CALD1: variants seen among roughly 807,000 people sequenced by gnomAD.
CALD1 encodes caldesmon 1, also known as caldesmon.
CALD1 carries 33 observed loss-of-function variants against 99.9 expected under a neutral mutation model. The observed-to-expected ratio is 0.33, with a 90% CI of 0.25 to 0.44. The LOEUF is 0.44. Ranked by LOEUF, CALD1 falls within the 20% of genes least tolerant of loss-of-function variation. The pLI, the probability that CALD1 is intolerant of heterozygous loss-of-function variation, is 1.00. For synonymous variants in CALD1, 310 were observed against 325.0 expected, an observed-to-expected ratio of 0.95 and a Z score of 0.50; for missense variants, 861 against 962.1, an observed-to-expected ratio of 0.89 and a Z score of 1.39.
chr7:134,963,072 C>T (rs1808401633), intron 13 of CALD1: 1 of 356,096 alleles, frequency 2.8e-6, no homozygotes, highest in Admixed American at 3.6e-5. Context: ...AAGTGCAATC[C>T]ATTTTCTTAG....
At chr7:134,728,659 T>C in the CALD1 span, among the ~76,000 whole-genome samples, 25 of 152,258 alleles carry the variant, frequency 1.6e-4, no homozygotes, top group South Asian at 5.0e-3. Context: ...AAAGGAAGCA[T>C]TAGACCAGAG....
At chr7:134,722,789 A>G in the CALD1 span, among the ~76,000 whole-genome samples, 1 of 152,058 alleles carries the variant, frequency 6.6e-6, no homozygotes, top group Non-Finnish European at 1.5e-5. Context: ...CCTTTCTGCT[A>G]TCCTTTTACT....
chr7:134,856,758 CA>C (rs960002467), intron 2 of CALD1, among the ~76,000 whole-genome samples: 1 of 152,180 alleles, frequency 6.6e-6, no homozygotes, highest in Non-Finnish European at 1.5e-5. Flanking sequence ...ACCACAACTA[CA>C]AATCAGAATA....
intron 9 of CALD1, 99 bp downstream of exon 9, chr7:134,950,613 C>A: frequency 1.0e-6 from 1 of 979,064 alleles, no homozygotes; most frequent in Non-Finnish European, 1.6e-6. Flanking sequence ...GTTCATTTAT[C>A]TTTTTGCTAT....
the CALD1 span, among the ~76,000 whole-genome samples, chr7:134,733,103 T>C: frequency 6.6e-6 from 1 of 152,238 alleles, no homozygotes; most frequent in African/African-American, 2.4e-5. Context: ...TCTTGAGCGC[T>C]GAACCAAAGA....
chr7:134,865,253 T>C (rs1025998011), intron 2 of CALD1, among the ~76,000 whole-genome samples: 1 of 152,064 alleles, frequency 6.6e-6, no homozygotes, highest in Non-Finnish European at 1.5e-5. Context: ...AAAAGCTCTG[T>C]GATATAAGGG....
chr7:134,934,162 A>G, intron 5 of CALD1, 85 bp downstream of exon 5: 1 of 1,534,106 alleles, frequency 6.5e-7, no homozygotes, highest in Non-Finnish European at 8.7e-7. Flanking sequence ...CTGAGGCCAC[A>G]TGCATATAGC....
At chr7:134,891,106 T>C (rs1802138828) in intron 3 of CALD1, among the ~76,000 whole-genome samples, 1 of 152,194 alleles carries the variant, frequency 6.6e-6, no homozygotes, top group Admixed American at 6.5e-5. Flanking sequence ...TTGTCAGAAT[T>C]AGGTTGTATA....
the CALD1 span, among the ~76,000 whole-genome samples, chr7:134,725,192 AG>A: frequency 6.6e-6 from 1 of 152,326 alleles, no homozygotes; most frequent in South Asian, 2.1e-4. Context: ...TGGACAGCCC[AG>A]ACTAGCTCTA....
intron 8 of CALD1, among the ~76,000 whole-genome samples, chr7:134,949,543 A>G (rs1053957628): frequency 6.6e-6 from 1 of 152,178 alleles, no homozygotes; most frequent in African/African-American, 2.4e-5. Flanking sequence ...TTGTCAAACC[A>G]TCTAAAATTA....
intron 1 of CALD1, among the ~76,000 whole-genome samples, chr7:134,760,262 C>G (rs1451279458): frequency 2.0e-5 from 3 of 152,192 alleles, no homozygotes; most frequent in Non-Finnish European, 2.9e-5. Flanking sequence ...GGTAGCATAA[C>G]CCCGCTTGCA....
chr7:134,939,264 C>T (rs1004852390), intron 6 of CALD1, among the ~76,000 whole-genome samples: 3 of 152,220 alleles, frequency 2.0e-5, no homozygotes, highest in African/African-American at 7.2e-5. Context: ...TCTGTAGCCT[C>T]TCATGACCCA....
chr7:134,728,760 T>C, the CALD1 span, among the ~76,000 whole-genome samples: 2 of 152,136 alleles, frequency 1.3e-5, no homozygotes, highest in East Asian at 3.8e-4. Flanking sequence ...TTCTATCCCT[T>C]GAGGTTAATT....
chr7:134,941,747 A>G (rs1196898459), intron 7 of CALD1, among the ~76,000 whole-genome samples: 2 of 152,192 alleles, frequency 1.3e-5, no homozygotes, highest in Non-Finnish European at 1.5e-5. Flanking sequence ...TCTTTACCAC[A>G]TGACTTTGAG....
chr7:134,775,137 A>G (rs907491792), upstream of CALD1, among the ~76,000 whole-genome samples: 2 of 152,154 alleles, frequency 1.3e-5, no homozygotes, highest in African/African-American at 4.8e-5. Context: ...TTCTGCTTCC[A>G]CAAAATTGAT....
intron 9 of CALD1, among the ~76,000 whole-genome samples, chr7:134,955,932 G>A (rs936272069): frequency 6.6e-6 from 1 of 152,024 alleles, no homozygotes; most frequent in Admixed American, 6.6e-5. Context: ...ACGGACGGAC[G>A]GATGGGTAAT....
chr7:134,901,167 G>GTT (rs74735841), intron 3 of CALD1, among the ~76,000 whole-genome samples: 15 of 139,390 alleles, frequency 1.1e-4, no homozygotes, highest in African/African-American at 2.1e-4. Context: ...GAGAAGTAGG[G>GTT]TTTTTTTTTT....
At chr7:134,753,028 A>C (rs921584481) in intron 1 of CALD1, among the ~76,000 whole-genome samples, 1 of 103,696 alleles carries the variant, frequency 9.6e-6, no homozygotes, top group African/African-American at 4.4e-5. Flanking sequence ...AAAAACAAAA[A>C]AAAACAAAAA....
chr7:134,880,674 T>C (rs1473126416), intron 3 of CALD1, among the ~76,000 whole-genome samples: 1 of 152,176 alleles, frequency 6.6e-6, no homozygotes, highest in Non-Finnish European at 1.5e-5. Context: ...TCACTATTTG[T>C]CCTTTGATGA....
Sources: gnomAD v4.1 joint callset for allele counts (sites outside exome capture counted in the v4.1 genomes callset) on GRCh38, gnomAD v4.1.1 for gene constraint, MANE v1.5 for transcripts, NCBI Gene and HGNC (gene_info 2026-07-23, HGNC 2026-07-21) for gene names.